VWA8: variants seen among roughly 807,000 people sequenced by gnomAD.
VWA8 encodes the protein von Willebrand factor A domain containing 8, also known as von Willebrand factor A domain-containing protein 8.
VWA8 carries 221 observed loss-of-function variants against 241.5 expected under a neutral mutation model. The observed-to-expected ratio is 0.91, with a 90% CI of 0.82 to 1.02. VWA8 has a LOEUF of 1.02. VWA8 is among the 50% of genes least tolerant of loss of function. VWA8 has a pLI of 0.00. For missense variants in VWA8, 2,322 were observed against 2,328.7 expected (o/e 1.00, Z 0.06); for synonymous variants, 852 against 827.1 (o/e 1.03, Z -0.52).
At chr13:41,719,188 T>C in intron 26 of VWA8, 1 of 382,146 alleles carries the variant, frequency 2.6e-6, no homozygotes, top group Non-Finnish European at 3.6e-6. Context: ...TAGAAAATTA[T>C]CATAAAGAAA....
At chr13:41,786,732 A>T (rs1408742081) in intron 18 of VWA8, among the ~76,000 whole-genome samples, 1 of 152,160 alleles carries the variant, frequency 6.6e-6, no homozygotes, top group Non-Finnish European at 1.5e-5. Flanking sequence ...TAATGATTAA[A>T]AGCATCTGCT....
intron 2 of VWA8, among the ~76,000 whole-genome samples, chr13:41,947,422 T>C (rs1278271528): frequency 6.6e-6 from 1 of 152,234 alleles, no homozygotes; most frequent in African/African-American, 2.4e-5. Flanking sequence ...AAAACTCATT[T>C]AAAGAATTTT....
At position 41,906,969 on chromosome 13, in the gene VWA8, T is replaced by A. The variant is rs570191334; in HGVS notation, c.483+617A>T. Among the ~76,000 whole-genome samples the A allele has an allele frequency of 3.9e-5, 6 of 152,288 alleles. No homozygotes were observed. The East Asian group carries it at 1.2e-3, about 29-fold the overall frequency. On this transcript the variant is annotated intron_variant, in intron 4 of 44. Transcript: ENST00000379310. ...AAAGTCAAGCATCTTTTCATGAAAT[T>A]ATTGAATATTTGAAATATTTTCTCT...
At chr13:41,914,604 G>A (rs1359442621) in intron 2 of VWA8, among the ~76,000 whole-genome samples, 1 of 152,284 alleles carries the variant, frequency 6.6e-6, no homozygotes, top group East Asian at 1.9e-4. Flanking sequence ...TCTCTATGCT[G>A]TAAATCTATT....
chr13:41,761,338 C>T, intron 20 of VWA8, 134 bp from the exon 21 acceptor site: 1 of 742,830 alleles, frequency 1.3e-6, no homozygotes, highest in African/African-American at 1.8e-5. Context: ...TCATGAAAAC[C>T]AAACTGGCAA....
chr13:41,936,545 C>T (rs1050831369), intron 2 of VWA8, among the ~76,000 whole-genome samples: 10 of 151,986 alleles, frequency 6.6e-5, no homozygotes, highest in Admixed American at 3.3e-4. Flanking sequence ...ACTAAATTGC[C>T]ACATGGATCC....
chr13:41,897,156 G>A (rs1208123542), intron 4 of VWA8, among the ~76,000 whole-genome samples: 1 of 151,740 alleles, frequency 6.6e-6, no homozygotes, highest in Non-Finnish European at 1.5e-5. Flanking sequence ...AGGACTAAGC[G>A]AATAAGGAAA....
At chr13:41,890,530 C>T (rs1225671070) in intron 5 of VWA8, among the ~76,000 whole-genome samples, 2 of 152,204 alleles carry the variant, frequency 1.3e-5, no homozygotes, top group Admixed American at 6.5e-5. Flanking sequence ...CCCACATTCC[C>T]TAGTTGTTGC....
chr13:41,911,129 T>C (rs1437602687), intron 3 of VWA8, among the ~76,000 whole-genome samples: 1 of 149,584 alleles, frequency 6.7e-6, no homozygotes, highest in East Asian at 2.0e-4. Flanking sequence ...AATGGCACGA[T>C]CTTGGCTCAC....
chr13:41,813,945 T>G (rs956654569), intron 16 of VWA8, among the ~76,000 whole-genome samples: 1 of 152,130 alleles, frequency 6.6e-6, no homozygotes, highest in African/African-American at 2.4e-5. Flanking sequence ...TTATACAGTT[T>G]AAGAGTACAC....
At chr13:41,732,055 A>T (rs2045488170) in intron 22 of VWA8, 25 bp downstream of exon 22, 3 of 1,593,560 alleles carry the variant, frequency 1.9e-6, no homozygotes, top group Non-Finnish European at 1.7e-6. Flanking sequence ...ACACTTGAAA[A>T]TATTTCTATG....
At chr13:41,862,654 A>T (rs1430104166) in intron 12 of VWA8, among the ~76,000 whole-genome samples, 1 of 152,244 alleles carries the variant, frequency 6.6e-6, no homozygotes, top group East Asian at 1.9e-4. Flanking sequence ...ACATACATGC[A>T]GCCAATGAAT....
At chr13:41,777,891 GA>G (rs952492856) in intron 20 of VWA8, 93 bp downstream of exon 20, 6 of 1,113,284 alleles carry the variant, frequency 5.4e-6, no homozygotes, top group Non-Finnish European at 5.2e-6. Context: ...TTTAATAGGG[GA>G]AAAAATAACT....
At chr13:41,960,829 G>C in intron 1 of VWA8, 24 bp downstream of exon 1, 4 of 1,514,270 alleles carry the variant, frequency 2.6e-6, no homozygotes, top group Non-Finnish European at 3.5e-6. Context: ...GCACCAGGGA[G>C]GACAGGGGCG....
intron 12 of VWA8, among the ~76,000 whole-genome samples, chr13:41,858,067 CT>C (rs1311096327): frequency 6.6e-6 from 1 of 152,126 alleles, no homozygotes; most frequent in African/African-American, 2.4e-5. Context: ...CAAGGCTTCT[CT>C]TAGAACTACA....
chr13:41,923,292 G>C (rs760428643), intron 2 of VWA8, among the ~76,000 whole-genome samples: 1 of 152,084 alleles, frequency 6.6e-6, no homozygotes, highest in Non-Finnish European at 1.5e-5. Flanking sequence ...CCGTGGGGTG[G>C]GGGGAGCGGG....
chr13:41,819,163 C>A, intron 15 of VWA8, 55 bp downstream of exon 15: 1 of 1,546,918 alleles, frequency 6.5e-7, no homozygotes. Flanking sequence ...ATCAGAGTGC[C>A]TTAAAAAGAG....
At chr13:41,747,188 C>T (rs977128268) in intron 21 of VWA8, among the ~76,000 whole-genome samples, 5 of 152,182 alleles carry the variant, frequency 3.3e-5, no homozygotes, top group Admixed American at 2.6e-4. Context: ...TTACCTTGGG[C>T]AGTATGGCCA....
chr13:41,688,734 C>T (rs902560619), intron 34 of VWA8, among the ~76,000 whole-genome samples: 2 of 151,932 alleles, frequency 1.3e-5, no homozygotes, highest in Admixed American at 6.6e-5. Context: ...GAACAAAAAA[C>T]CAAATATCAC....
Sources: allele counts gnomAD v4.1 joint callset (sites outside exome capture counted in the v4.1 genomes callset), GRCh38; gene constraint gnomAD v4.1.1; transcripts MANE v1.5; gene names NCBI Gene and HGNC (gene_info 2026-07-23, HGNC 2026-07-21).